The following CPS1 variants were observed in gnomAD, a reference collection of about 807,000 sequenced individuals.
The protein encoded by CPS1 is carbamoyl-phosphate synthase 1, also known as carbamoyl-phosphate synthase [ammonia], mitochondrial.
Under a neutral mutation model 174.6 loss-of-function variants are expected in CPS1, and 109 were observed. That is an observed-to-expected ratio of 0.62 (90% CI 0.53 to 0.73). CPS1 has a LOEUF of 0.73. Ranked by LOEUF, CPS1 falls within the 30% of genes least tolerant of loss-of-function variation. The pLI is 0.00. For missense variants in CPS1, 1,689 were observed against 1,821.9 expected (o/e 0.93, Z 1.33); for synonymous variants, 637 against 632.0 (o/e 1.01, Z -0.12).
chr2:210,615,005 C>T (rs1019887103), intron 20 of CPS1, among the ~76,000 whole-genome samples: 23 of 151,766 alleles, frequency 1.5e-4, no homozygotes, highest in African/African-American at 5.3e-4. Context: ...GCACGTCCTG[C>T]ACATGTATCC....
chr2:210,585,411 C>T (rs923679995), intron 6 of CPS1, among the ~76,000 whole-genome samples: 6 of 151,892 alleles, frequency 4.0e-5, no homozygotes, highest in Non-Finnish European at 5.9e-5. Flanking sequence ...AAAATAGGCA[C>T]GATCTATTGA....
chr2:210,579,665 G>A (rs766051691), intron 4 of CPS1, 49 bp from the exon 5 acceptor site: 7 of 1,441,044 alleles, frequency 4.9e-6, no homozygotes, highest in Non-Finnish European at 6.8e-6. Context: ...ACAATATGCT[G>A]GATTTAATCT....
rs1553518395 is a variant in CPS1 at position 210,663,199 on chromosome 2, T to G, written c.4002+2T>G. On this transcript the variant is annotated splice_donor_variant, in intron 33 of 37. Transcript: ENST00000233072. LOFTEE classifies it high-confidence loss of function. ...TGTGAGATGGCTTCCACTGGAGAGG[T>G]AACTAGTTAATAATCCATGGAAGCT... The G allele has an allele frequency of 6.2e-7, 1 of 1,611,436 alleles. No individual in the cohort carries two copies. The highest frequency in any genetic ancestry group is 1.3e-5 in the African/African-American group (1 of 74,790).
intron 1 of CPS1, among the ~76,000 whole-genome samples, chr2:210,568,892 C>T (rs1697385507): frequency 6.6e-6 from 1 of 151,952 alleles, no homozygotes; most frequent in Non-Finnish European, 1.5e-5. Flanking sequence ...GAAAAAATTA[C>T]TGTTTAATAT....
chr2:210,513,804 G>A (rs924410442), intron 1 of CPS1, among the ~76,000 whole-genome samples: 1 of 151,986 alleles, frequency 6.6e-6, no homozygotes, highest in African/African-American at 2.4e-5. Flanking sequence ...TTTCTTCTAG[G>A]ATTCTTATAG....
intron 2 of CPS1, among the ~76,000 whole-genome samples, chr2:210,574,183 A>G (rs1225009360): frequency 6.6e-6 from 1 of 152,044 alleles, no homozygotes; most frequent in Non-Finnish European, 1.5e-5. Context: ...TTCTTCATAT[A>G]AAAAGTGAGG....
intron 1 of CPS1, among the ~76,000 whole-genome samples, chr2:210,568,098 T>C (rs949046075): frequency 6.6e-6 from 1 of 152,140 alleles, no homozygotes; most frequent in Admixed American, 6.6e-5. Context: ...TAAAATCTAG[T>C]ACGGTAGATA....
intron 33 of CPS1, among the ~76,000 whole-genome samples, chr2:210,667,352 C>G (rs916160928): frequency 2.6e-5 from 4 of 152,138 alleles, no homozygotes; most frequent in Middle Eastern, 3.4e-3. Context: ...TGTATTTACT[C>G]TAATGGTGGT....
chr2:210,501,665 G>T (rs1175477790), intron 1 of CPS1, among the ~76,000 whole-genome samples: 1 of 152,092 alleles, frequency 6.6e-6, no homozygotes, highest in Non-Finnish European at 1.5e-5. Flanking sequence ...CTCTATCTGA[G>T]ACCATCTCAG....
At chr2:210,483,980 T>G (rs998688008) in intron 1 of CPS1, among the ~76,000 whole-genome samples, 3 of 152,208 alleles carry the variant, frequency 2.0e-5, no homozygotes, top group East Asian at 3.9e-4. Context: ...GCATATTGTA[T>G]TCTAGGTTTG....
At position 210,677,151 on chromosome 2, in the gene CPS1, T is replaced by C. The variant is rs750918179; in HGVS notation, c.4404+15T>C. 1 of 1,612,480 alleles carries C rather than the reference T, an allele frequency of 6.2e-7. No individual in the cohort carries two copies. Among genetic ancestry groups the C allele is most frequent in the South Asian group, 1.1e-5 (1 of 91,056 alleles). On this transcript the variant is annotated intron_variant, in intron 37 of 37. Transcript: ENST00000233072. ...CTAATTTTCAGGTATAGTCTTTTCC[T>C]TGGATATAGACTGGATGGGAGTTTT...
At chr2:210,670,409 A>G (rs1701261334) in intron 34 of CPS1, among the ~76,000 whole-genome samples, 1 of 152,294 alleles carries the variant, frequency 6.6e-6, no homozygotes, top group East Asian at 1.9e-4. Flanking sequence ...GTTAATAGCT[A>G]TAAAACTTAC....
chr2:210,592,116 G>C (rs1030797363), intron 10 of CPS1, 147 bp downstream of exon 10: 23 of 922,074 alleles, frequency 2.5e-5, no homozygotes, highest in Non-Finnish European at 3.7e-5. Context: ...AATCACACTA[G>C]GATAACCATC....
At chr2:210,522,166 C>T (rs180678079) in intron 1 of CPS1, among the ~76,000 whole-genome samples, 39 of 152,056 alleles carry the variant, frequency 2.6e-4, no homozygotes, top group Non-Finnish European at 8.8e-5. Context: ...TTGAATACTT[C>T]AGGGAGACCA....
At chr2:210,491,310 T>TTTTTTTG (rs1694869392) in intron 1 of CPS1, among the ~76,000 whole-genome samples, 1 of 17,788 alleles carries the variant, frequency 5.6e-5, no homozygotes, top group African/African-American at 9.2e-5. Flanking sequence ...TATCTGTGTT[T>TTTTTTTG]TTTTTTTTTT....
At chr2:210,635,639 T>C (rs997324893) in intron 21 of CPS1, among the ~76,000 whole-genome samples, 1 of 152,230 alleles carries the variant, frequency 6.6e-6, no homozygotes, top group African/African-American at 2.4e-5. Context: ...GGCACAGTTC[T>C]AAAGCACAGG....
intron 1 of CPS1, among the ~76,000 whole-genome samples, chr2:210,517,457 A>G (rs1695712303): frequency 6.6e-6 from 1 of 151,984 alleles, no homozygotes; most frequent in Non-Finnish European, 1.5e-5. Flanking sequence ...GTCAGATGCA[A>G]TTCACAGATA....
chr2:210,540,662 A>G (rs1355339863), intron 1 of CPS1, among the ~76,000 whole-genome samples: 2 of 152,174 alleles, frequency 1.3e-5, no homozygotes, highest in African/African-American at 2.4e-5. Context: ...CCCATTTTGT[A>G]TATGAAGAAA....
intron 1 of CPS1, among the ~76,000 whole-genome samples, chr2:210,533,787 A>C (rs1343413608): frequency 3.9e-5 from 6 of 152,184 alleles, no homozygotes; most frequent in Non-Finnish European, 7.3e-5. Context: ...TTCTGGAAGG[A>C]ACCTGAGGGA....
Sources: gnomAD v4.1 joint callset for allele counts (sites outside exome capture counted in the v4.1 genomes callset) on GRCh38, gnomAD v4.1.1 for gene constraint, MANE v1.5 for transcripts, NCBI Gene and HGNC (gene_info 2026-07-23, HGNC 2026-07-21) for gene names.